Variants in EPN1 observed in about 807,000 individuals in gnomAD.
EPN1 encodes the protein epsin 1.
In EPN1, 25 loss-of-function variants were observed where a neutral mutation model predicts 56.9. The ratio of observed to expected loss-of-function variants is 0.44; its 90% confidence interval spans 0.32 to 0.61. The LOEUF (loss-of-function observed/expected upper bound fraction) is 0.61. Ranked by LOEUF, EPN1 falls within the 20% of genes least tolerant of loss-of-function variation. The pLI is 0.05. For synonymous variants in EPN1, 411 were observed against 361.8 expected, an observed-to-expected ratio of 1.14 and a Z score of -1.54; for missense variants, 785 against 823.7, an observed-to-expected ratio of 0.95 and a Z score of 0.58.
Position 55,701,672 on chromosome 19 carries a change from C to G in EPN1, c.*6316C>G, listed in dbSNP as rs1987148108. On this transcript the variant is annotated 3_prime_UTR_variant, in exon 11 of 11. Coordinates refer to ENST00000270460, the MANE Select transcript of EPN1 (RefSeq NM_001130072.2). ...GCCTGGCTTGTTCCTGTAAAACGGTCTTGTCTGTGGTAAATACTAAGGTTT... is the reference window on the plus strand; with the variant it reads ...GCCTGGCTTGTTCCTGTAAAACGGTGTTGTCTGTGGTAAATACTAAGGTTT... The G allele has an allele frequency of 6.6e-6, 1 of 152,074 alleles. No individual in the cohort carries two copies. The highest frequency in any genetic ancestry group is 6.6e-5 in the Admixed American group (1 of 15,260). The allele number at this position is 152,074 out of a possible 1,614,324, so 9.4% of individuals were successfully genotyped here.
chr19:55,694,271 T>C lies in EPN1; in HGVS notation c.1265-455T>C, dbSNP rs10410404. Reference sequence around the variant, plus strand: ...GAAAATCAGACCTCTAGCCAACAGATGTCTTCACGCTGGCCCGGAACACGT... The same window carrying C: ...GAAAATCAGACCTCTAGCCAACAGACGTCTTCACGCTGGCCCGGAACACGT... On this transcript the variant is annotated intron_variant, in intron 9 of 10. Transcript: ENST00000270460. This position sits in a 1 kb window ranked among gnomAD's most constrained non-coding sequence, Gnocchi z 4.2. The C allele has an allele frequency of 0.14, 22,442 of 157,952 alleles. 3,159 individuals carry two copies. Among genetic ancestry groups the C allele is most frequent in the African/African-American group, 0.36 (14,543 of 40,498 alleles). The allele number at this position is 157,952 out of a possible 1,614,324, so 9.8% of individuals were successfully genotyped here.
rs1056079909 is a variant in EPN1 at position 55,675,245 on chromosome 19, C to G, written c.-292C>G. The G allele has an allele frequency of 1.3e-5, 2 of 152,098 alleles. No individual in the cohort carries two copies. Among genetic ancestry groups the G allele is most frequent in the Admixed American group, 1.3e-4 (2 of 15,278 alleles). The allele number at this position is 152,098 out of a possible 1,614,324, so 9.4% of individuals were successfully genotyped here. ...CTCCTTCTGTTGCTTCCCGTCTCCTCGGCGGCTCCCCTCCCCCGCCCGGCT... is the reference window on the plus strand; with the variant it reads ...CTCCTTCTGTTGCTTCCCGTCTCCTGGGCGGCTCCCCTCCCCCGCCCGGCT... On this transcript the variant is annotated 5_prime_UTR_variant, in exon 1 of 11. Coordinates refer to ENST00000270460, the MANE Select transcript of EPN1 (RefSeq NM_001130072.2).
In EPN1 at chr19:55,689,033, G is replaced by C. The variant is rs757871719; in HGVS notation, c.603+39G>C. ...AGCTGGGGCTGTCTGTCCGCCACCCGCCTCCACGCCTCACTTCAGGCTCCC... is the reference window on the plus strand; with the variant it reads ...AGCTGGGGCTGTCTGTCCGCCACCCCCCTCCACGCCTCACTTCAGGCTCCC... On this transcript the variant is annotated intron_variant, in intron 4 of 10. Transcript: ENST00000270460. This position sits in a 1 kb window ranked among gnomAD's most constrained non-coding sequence, Gnocchi z 5.7. 6.5e-7 allele frequency: 1 copy of C among 1,545,544 alleles called. No homozygotes were observed. The highest frequency in any genetic ancestry group is 8.7e-7 in the Non-Finnish European group (1 of 1,149,192).
Position 55,708,751 on chromosome 19 carries a change from G to C in EPN1, c.*13395G>C, listed in dbSNP as rs976534823. 5 of 522,038 alleles carry C rather than the reference G, an allele frequency of 9.6e-6. No homozygotes were observed. In the African/African-American group the frequency reaches 9.8e-5, roughly 10 times the overall value. The allele number at this position is 522,038 out of a possible 1,614,324, so 32.3% of individuals were successfully genotyped here. A position where few individuals can be genotyped will look rare whatever the true frequency, so the allele number is the denominator to read the frequency against. ...GGCAAAGACAATCAGCATGTACACT[G>C]AATCACACTCCATAATCATATTGCT... is the stretch of plus-strand genomic sequence containing the variant. On this transcript the variant is annotated 3_prime_UTR_variant, in exon 11 of 11. Transcript: ENST00000270460.
chr19:55,692,620 T>G, intron 7 of EPN1, 66 bp from the exon 8 acceptor site: 1 of 1,086,646 alleles, frequency 9.2e-7, no homozygotes, highest in Non-Finnish European at 1.3e-6. Flanking sequence ...TTGGAGGCAA[T>G]GGTCCTCCCT....
At position 55,695,524 on chromosome 19, in the gene EPN1, A is replaced by C; in HGVS notation, c.*168A>C. On this transcript the variant is annotated 3_prime_UTR_variant, in exon 11 of 11. Transcript: ENST00000270460. This position sits in a 1 kb window ranked among gnomAD's most constrained non-coding sequence, Gnocchi z 4.4. ...TTCCTTTCCCACCCCACCTCCCCGGAGAGAAACTGGACATGGGGCCTGGGG... is the reference window on the plus strand; with the variant it reads ...TTCCTTTCCCACCCCACCTCCCCGGCGAGAAACTGGACATGGGGCCTGGGG... 1 of 590,578 alleles carries C rather than the reference A, an allele frequency of 1.7e-6. No individual in the cohort carries two copies. Among genetic ancestry groups the C allele is most frequent in the Non-Finnish European group, 3.0e-6 (1 of 332,636 alleles). 36.6% of individuals were successfully genotyped at this position (590,578 alleles called of 1,614,324 possible).
chr19:55,692,890 G>A (rs1394272636), intron 8 of EPN1, 61 bp from the exon 9 acceptor site: 5 of 1,599,792 alleles, frequency 3.1e-6, no homozygotes, highest in Non-Finnish European at 4.3e-6. Context: ...CGCCTGGACT[G>A]GAGGTGGGGG....
chr19:55,690,777 A>T (rs1029299892), intron 6 of EPN1, among the ~76,000 whole-genome samples: 2 of 152,054 alleles, frequency 1.3e-5, no homozygotes, highest in African/African-American at 2.4e-5. Context: ...CCTCCTCTCC[A>T]TGGGAGGCGG....
At chr19:55,693,080 C>T in intron 9 of EPN1, 43 bp downstream of exon 9, 8 of 1,575,094 alleles carry the variant, frequency 5.1e-6, no homozygotes, top group Non-Finnish European at 7.0e-6. Context: ...GAGGGAGCCT[C>T]CCCTAGCTCT....
At chr19:55,693,419 C>A (rs1015045716) in intron 9 of EPN1, 102 of 164,424 alleles carry the variant, frequency 6.2e-4, no homozygotes, top group African/African-American at 2.3e-3. Flanking sequence ...GCCGAGGCTC[C>A]CCTTCCGGGT....
Position 55,694,354 on chromosome 19 carries a change from C to G in EPN1, c.1265-372C>G, listed in dbSNP as rs1986778282. ...CTGGGGCTGTGTACTCAAGGAGCGT[C>G]TGAGGGCAGGCTCCTCTGAGCCTGG... On this transcript the variant is annotated intron_variant, in intron 9 of 10. Coordinates refer to ENST00000270460, the MANE Select transcript of EPN1 (RefSeq NM_001130072.2). This position sits in a 1 kb window ranked among gnomAD's most constrained non-coding sequence, Gnocchi z 4.2. 4.5e-6 allele frequency: 1 copy of G among 223,130 alleles called. No individual in the cohort carries two copies. Among genetic ancestry groups the G allele is most frequent in the South Asian group, 1.7e-4 (1 of 5,778 alleles). The allele number at this position is 223,130 out of a possible 1,614,324, so 13.8% of individuals were successfully genotyped here.
rs115426997 is a variant in EPN1, at chr19:55,691,129, A to G, written c.763-625A>G. 0.013 allele frequency among the ~76,000 whole-genome samples: 1,936 copies of G among 152,256 alleles called. 46 individuals are homozygous for G. Among genetic ancestry groups the G allele is most frequent in the African/African-American group, 0.044 (1,845 of 41,542 alleles). On this transcript the variant is annotated intron_variant, in intron 6 of 10. Transcript: ENST00000270460. This position sits in a 1 kb window ranked among gnomAD's most constrained non-coding sequence, Gnocchi z 5.6. ...GTGCCCACTTCCAGAACACAGGACC[A>G]TGCATGCGTGTGCGTGCGGCATGGG...
At position 55,689,080 on chromosome 19, in the gene EPN1, G is replaced by T; in HGVS notation, c.603+86G>T. 6.8e-7 allele frequency: 1 copy of T among 1,468,272 alleles called. No individual in the cohort carries two copies. Among genetic ancestry groups the T allele is most frequent in the Non-Finnish European group, 9.0e-7 (1 of 1,107,852 alleles). The allele number at this position is 1,468,272 out of a possible 1,614,324, so 91.0% of individuals were successfully genotyped here. A position where few individuals can be genotyped will look rare whatever the true frequency, so the allele number is the denominator to read the frequency against. ...TCCCTCCCAGCCAGGCGTGGGCCTGGCCCTCACTGTCGCTGCTCCACATGC... is the reference window on the plus strand; with the variant it reads ...TCCCTCCCAGCCAGGCGTGGGCCTGTCCCTCACTGTCGCTGCTCCACATGC... On this transcript the variant is annotated intron_variant, in intron 4 of 10. Transcript: ENST00000270460. The surrounding 1 kb of genome is among the most constrained non-coding windows in gnomAD (Gnocchi z 5.7).
intron 2 of EPN1, among the ~76,000 whole-genome samples, chr19:55,681,679 T>C (rs1245397029): frequency 6.6e-6 from 1 of 152,260 alleles, no homozygotes; most frequent in African/African-American, 2.4e-5. Context: ...TATTTCTGCA[T>C]TGCAGGATGT....
Position 55,695,056 on chromosome 19 carries a change from G to A in EPN1, c.1522+73G>A. ...CAGAGGAGGTGCCTCACGGGGCAGG[G>A]ACACTTCGCCCTTTGCCTGCACATG... On this transcript the variant is annotated intron_variant, in intron 10 of 10. Transcript: ENST00000270460. The surrounding 1 kb of genome is among the most constrained non-coding windows in gnomAD (Gnocchi z 4.4). The A allele has an allele frequency of 1.3e-6, 2 of 1,592,822 alleles. No homozygotes were observed. Among genetic ancestry groups the A allele is most frequent in the African/African-American group, 1.3e-5 (1 of 74,588 alleles).
chr19:55,691,957 G>T lies in EPN1; in HGVS notation c.966G>T (p.Arg322Ser). Residue 322 changes from arginine (R) to serine (S), a missense_variant, in exon 7 of 11, where the codon AGG becomes AGT. By Grantham distance (110) the Arg-to-Ser change is moderately radical. Coordinates refer to ENST00000270460, the MANE Select transcript of EPN1 (RefSeq NM_001130072.2). This position sits in a 1 kb window ranked among gnomAD's most constrained non-coding sequence, Gnocchi z 5.6. ...CGCCGGCCTCTGGGGACCCCTGGAG[G>T]CCTGCTGCCCCTGCAGGACCCTCAG... ...APTPASGDPW[R>S]PAAPAGPSVD... The T allele has an allele frequency of 6.6e-7, 1 of 1,523,462 alleles. No individual in the cohort carries two copies. 94.4% of individuals were successfully genotyped at this position (1,523,462 alleles called of 1,614,324 possible). A position where few individuals can be genotyped will look rare whatever the true frequency, so the allele number is the denominator to read the frequency against.
At position 55,706,113 on chromosome 19, in the gene EPN1, A is replaced by C. The variant is rs1303803568; in HGVS notation, c.*10757A>C. On this transcript the variant is annotated 3_prime_UTR_variant, in exon 11 of 11. Transcript: ENST00000270460. ...GTTTTTCCAGATTCTCTGCATGTGCAGGTTTATGAGACTGGAGAACTTTGA... is the reference window on the plus strand; with the variant it reads ...GTTTTTCCAGATTCTCTGCATGTGCCGGTTTATGAGACTGGAGAACTTTGA... 2 of 242,284 alleles carry C rather than the reference A, an allele frequency of 8.3e-6. No homozygotes were observed. The highest frequency in any genetic ancestry group is 4.7e-5 in the African/African-American group (2 of 42,478). The allele number at this position is 242,284 out of a possible 1,614,324, so 15.0% of individuals were successfully genotyped here.
rs1423024269 is a variant in EPN1 at position 55,705,768 on chromosome 19, A to G, written c.*10412A>G. On this transcript the variant is annotated 3_prime_UTR_variant, in exon 11 of 11. Transcript: ENST00000270460. ...CAATCATAAGGTCAGGTTCTTCAAC[A>G]GTCATACTGACATTGTGGCTGGAAT... 1 of 146,316 alleles carries G rather than the reference A, an allele frequency of 6.8e-6. No individual in the cohort carries two copies. Among genetic ancestry groups the G allele is most frequent in the Non-Finnish European group, 1.5e-5 (1 of 66,136 alleles). The allele number at this position is 146,316 out of a possible 1,614,324, so 9.1% of individuals were successfully genotyped here.
In EPN1 at chr19:55,688,864, C is replaced by A; in HGVS notation, c.479-6C>A. ...GGGTCTCACGCGTTTCTCACCCGCC[C>A]TCCAGCCTCATCAGCAGCTGTGGGC... On this transcript the variant is annotated splice_polypyrimidine_tract_variant and splice_region_variant and intron_variant, in intron 3 of 10. Coordinates refer to ENST00000270460, the MANE Select transcript of EPN1 (RefSeq NM_001130072.2). 6.3e-7 allele frequency: 1 copy of A among 1,575,102 alleles called. No individual in the cohort carries two copies. Among genetic ancestry groups the A allele is most frequent in the Non-Finnish European group, 8.6e-7 (1 of 1,160,646 alleles).
Sources: allele counts gnomAD v4.1 joint callset (sites outside exome capture counted in the v4.1 genomes callset), GRCh38; gene constraint gnomAD v4.1.1; non-coding constraint Gnocchi (gnomAD v3.1); transcripts MANE v1.5; gene names NCBI Gene and HGNC (gene_info 2026-07-23, HGNC 2026-07-21).